Variants in CTNNA2 observed in about 807,000 individuals in gnomAD.
CTNNA2 encodes catenin alpha 2, also known as catenin alpha-2.
In CTNNA2, 42 loss-of-function variants were observed where a neutral mutation model predicts 101.0. That is an observed-to-expected ratio of 0.42 (90% CI 0.32 to 0.54). The LOEUF is 0.54. CTNNA2 is among the 20% of genes least tolerant of loss of function. CTNNA2 has a pLI of 0.14. For synonymous variants in CTNNA2, 450 were observed against 456.4 expected (o/e 0.99, Z 0.18); for missense variants, 871 against 1,223.1 (o/e 0.71, Z 4.29).
intron 7 of CTNNA2, among the ~76,000 whole-genome samples, chr2:80,252,804 C>T (rs920738349): frequency 3.9e-5 from 6 of 152,044 alleles, no homozygotes; most frequent in African/African-American, 9.7e-5. Context: ...GACTTGTAGG[C>T]GGCGACTTGT....
intron 2 of CTNNA2, among the ~76,000 whole-genome samples, chr2:79,262,135 A>G (rs1316717738): frequency 6.6e-6 from 1 of 152,206 alleles, no homozygotes; most frequent in Non-Finnish European, 1.5e-5. Context: ...TTGAGCCTGA[A>G]TAAAGAGAGG....
chr2:79,810,847 G>A (rs1489399822), intron 3 of CTNNA2, among the ~76,000 whole-genome samples: 1 of 151,908 alleles, frequency 6.6e-6, no homozygotes, highest in East Asian at 1.9e-4. Flanking sequence ...TCCCTACAAA[G>A]GACATGAACT....
intron 6 of CTNNA2, among the ~76,000 whole-genome samples, chr2:79,902,112 G>T (rs962375509): frequency 6.6e-6 from 1 of 152,186 alleles, no homozygotes; most frequent in Non-Finnish European, 1.5e-5. Context: ...CCCTCTTGAA[G>T]TATGAAAGAA....
chr2:79,902,752 A>G (rs1426667791), intron 6 of CTNNA2, among the ~76,000 whole-genome samples: 3 of 150,866 alleles, frequency 2.0e-5, no homozygotes, highest in Non-Finnish European at 2.9e-5. Context: ...TCAGCCTCCC[A>G]AGTTGTTGGG....
chr2:80,380,555 A>G (rs1676428185), intron 7 of CTNNA2, among the ~76,000 whole-genome samples: 1 of 152,184 alleles, frequency 6.6e-6, no homozygotes, highest in Non-Finnish European at 1.5e-5. Context: ...ATAAGAATCC[A>G]GTGAAGTGTG....
chr2:79,425,222 T>C (rs1280737667), intron 4 of CTNNA2, among the ~76,000 whole-genome samples: 1 of 152,106 alleles, frequency 6.6e-6, no homozygotes, highest in Non-Finnish European at 1.5e-5. Context: ...CAGTGGATGA[T>C]TCAAAGGCCC....
chr2:79,986,399 G>A lies in CTNNA2; in HGVS notation c.1056+76602G>A, dbSNP rs72922604. Among the ~76,000 whole-genome samples, 1,027 of 152,246 alleles carry A rather than the reference G, an allele frequency of 6.7e-3. 6 individuals are homozygous for A. The highest frequency in any genetic ancestry group is 0.023 in the African/African-American group (963 of 41,540). ...TACCTACGGCACCCTGTGTGACATA[G>A]CAATTGCTTTTTCTTTGGTCCTCTG... is the stretch of plus-strand genomic sequence containing the variant. On this transcript the variant is annotated intron_variant, in intron 7 of 18. Transcript: ENST00000402739.
In CTNNA2 at chr2:80,222,942, A is replaced by G. The variant is rs572013369; in HGVS notation, c.1057-170269A>G. 2.6e-5 allele frequency among the ~76,000 whole-genome samples: 4 copies of G among 152,318 alleles called. No homozygotes were observed. The East Asian group carries it at 7.7e-4, about 29-fold the overall frequency. Reference sequence around the variant, plus strand: ...GGTTTCTTTTGAGATTTCATCTAAAATGACTGTGGACTTCTCCTAATTTGG... The same window carrying G: ...GGTTTCTTTTGAGATTTCATCTAAAGTGACTGTGGACTTCTCCTAATTTGG... On this transcript the variant is annotated intron_variant, in intron 7 of 18. Coordinates refer to ENST00000402739, the MANE Select transcript of CTNNA2 (RefSeq NM_001282597.3).
chr2:80,543,841 AG>A (rs1691795370), intron 9 of CTNNA2, among the ~76,000 whole-genome samples: 1 of 152,200 alleles, frequency 6.6e-6, no homozygotes, highest in Non-Finnish European at 1.5e-5. Flanking sequence ...GATACCAAAA[AG>A]GCAGGCGGCC....
At chr2:80,233,666 C>G (rs1234768115) in intron 7 of CTNNA2, among the ~76,000 whole-genome samples, 1 of 152,148 alleles carries the variant, frequency 6.6e-6, no homozygotes, top group East Asian at 1.9e-4. Context: ...AAAGGCATCT[C>G]TTTATGAGTG....
chr2:79,609,266 G>C (rs1410536711), intron 1 of CTNNA2, among the ~76,000 whole-genome samples: 2 of 151,754 alleles, frequency 1.3e-5, no homozygotes, highest in Non-Finnish European at 2.9e-5. Context: ...TAGAATTAAG[G>C]CTGTCAGATA....
intron 3 of CTNNA2, among the ~76,000 whole-genome samples, chr2:79,372,861 T>G (rs1180336614): frequency 6.6e-6 from 1 of 152,120 alleles, no homozygotes; most frequent in African/African-American, 2.4e-5. Flanking sequence ...GAAGGACCTA[T>G]CAGGAAAAAA....
chr2:80,585,448 G>C (rs1695900350), intron 14 of CTNNA2, among the ~76,000 whole-genome samples: 1 of 152,254 alleles, frequency 6.6e-6, no homozygotes, highest in African/African-American at 2.4e-5. Context: ...AATTTGGAGA[G>C]CTGTGCTTTG....
At chr2:79,969,212 T>A (rs117159739) in intron 7 of CTNNA2, among the ~76,000 whole-genome samples, 7 of 152,272 alleles carry the variant, frequency 4.6e-5, no homozygotes, top group Admixed American at 3.9e-4. Context: ...AACAAAAAAA[T>A]TTTAATGTGA....
intron 4 of CTNNA2, among the ~76,000 whole-genome samples, chr2:79,434,528 G>C (rs1332362447): frequency 1.3e-5 from 2 of 152,192 alleles, no homozygotes; most frequent in Non-Finnish European, 2.9e-5. Context: ...ATGGACGCCA[G>C]CTGAGTCTGG....
chr2:79,584,109 CTT>C (rs1436894409), intron 1 of CTNNA2, among the ~76,000 whole-genome samples: 1 of 152,112 alleles, frequency 6.6e-6, no homozygotes, highest in Non-Finnish European at 1.5e-5. Flanking sequence ...CCCGTCAACT[CTT>C]TATCTAGTTA....
chr2:79,549,979 C>T (rs753877917), intron 1 of CTNNA2, among the ~76,000 whole-genome samples: 1 of 152,132 alleles, frequency 6.6e-6, no homozygotes, highest in Non-Finnish European at 1.5e-5. Context: ...AAAATAATCA[C>T]TGGCTAGATC....
intron 7 of CTNNA2, among the ~76,000 whole-genome samples, chr2:80,053,671 C>G (rs1396816759): frequency 6.6e-6 from 1 of 152,190 alleles, no homozygotes; most frequent in Non-Finnish European, 1.5e-5. Context: ...TTCTAGCAAA[C>G]TCCTAGCCCT....
intron 7 of CTNNA2, among the ~76,000 whole-genome samples, chr2:80,020,295 A>G (rs1280173633): frequency 2.0e-5 from 3 of 152,196 alleles, no homozygotes; most frequent in Admixed American, 1.3e-4. Context: ...GGCCTATTGT[A>G]TACAAGGGGG....
Sources: allele counts gnomAD v4.1 joint callset (sites outside exome capture counted in the v4.1 genomes callset), GRCh38; gene constraint gnomAD v4.1.1; transcripts MANE v1.5; gene names NCBI Gene and HGNC (gene_info 2026-07-23, HGNC 2026-07-21).